The following ACACB variants were observed in gnomAD, a reference collection of about 807,000 sequenced individuals.
ACACB encodes acetyl-CoA carboxylase beta.
Under a neutral mutation model 278.8 loss-of-function variants are expected in ACACB, and 209 were observed. That is an observed-to-expected ratio of 0.75 (90% CI 0.67 to 0.84). The LOEUF is 0.84. ACACB is among the 40% of genes least tolerant of loss of function. The probability of loss-of-function intolerance (pLI) is 0.00; values close to 1 mark genes in which losing one functional copy is unlikely to be tolerated. For missense variants in ACACB, 2,850 were observed against 3,269.0 expected (o/e 0.87, Z 3.13); for synonymous variants, 1,174 against 1,285.6 (o/e 0.91, Z 1.86).
chr12:109,253,452 CT>C (rs765803077), intron 43 of ACACB, among the ~76,000 whole-genome samples: 9 of 152,172 alleles, frequency 5.9e-5, no homozygotes, highest in Non-Finnish European at 1.3e-4. Context: ...AATACTGAGT[CT>C]TTAAGCTTTA....
At chr12:109,264,481 T>C in intron 50 of ACACB, 95 bp downstream of exon 50, 2 of 1,480,484 alleles carry the variant, frequency 1.4e-6, no homozygotes, top group Non-Finnish European at 9.3e-7. Context: ...AGGGCGGTGG[T>C]GGTTGGGATG....
At chr12:109,185,434 G>A (rs2044619013) in intron 11 of ACACB, 145 bp from the exon 12 acceptor site, 1 of 854,416 alleles carries the variant, frequency 1.2e-6, no homozygotes, top group Admixed American at 2.9e-5. Flanking sequence ...TCTGGCCACA[G>A]TAGAGCACCA....
intron 28 of ACACB, among the ~76,000 whole-genome samples, chr12:109,230,047 G>A (rs113181738): frequency 4.9e-4 from 74 of 152,236 alleles, no homozygotes; most frequent in African/African-American, 1.6e-3. Flanking sequence ...CCTTACCTAC[G>A]GCGGCATTGA....
At chr12:109,238,173 C>T (rs545177501) in intron 34 of ACACB, among the ~76,000 whole-genome samples, 152 of 150,982 alleles carry the variant, frequency 1.0e-3, no homozygotes, top group African/African-American at 2.1e-3. Context: ...GACACAATTC[C>T]GTCCCTGAAA....
chr12:109,211,610 TAG>T (rs2045852481), intron 21 of ACACB, among the ~76,000 whole-genome samples: 1 of 152,114 alleles, frequency 6.6e-6, no homozygotes, highest in Non-Finnish European at 1.5e-5. Context: ...AAGAAGGAAG[TAG>T]ATTAGTGGCC....
chr12:109,222,235 G>A (rs1284187422), intron 24 of ACACB, among the ~76,000 whole-genome samples: 1 of 152,010 alleles, frequency 6.6e-6, no homozygotes, highest in Non-Finnish European at 1.5e-5. Flanking sequence ...GGACTTAGTT[G>A]TATTTGTTTG....
At chr12:109,123,603 G>T (rs991431932) in intron 1 of ACACB, among the ~76,000 whole-genome samples, 1 of 151,640 alleles carries the variant, frequency 6.6e-6, no homozygotes, top group Non-Finnish European at 1.5e-5. Flanking sequence ...TGAGGCAGGA[G>T]AATCTTTTGA....
At position 109,265,151 on chromosome 12, in the gene ACACB, G is replaced by A; in HGVS notation, c.6984G>A (p.Trp2328Ter). 6.2e-7 allele frequency: 1 copy of A among 1,613,622 alleles called. No homozygotes were observed. The highest frequency in any genetic ancestry group is 8.5e-7 in the Non-Finnish European group (1 of 1,179,848). ...EWKTARTFLY[W>*]RLRRLLLEDQ... is the part of the protein sequence containing the mutation. Reference sequence around the variant, plus strand: ...AGACCGCACGCACCTTCCTGTATTGGCGTCTGCGCCGCCTCCTCCTGGAGG... The same window carrying A: ...AGACCGCACGCACCTTCCTGTATTGACGTCTGCGCCGCCTCCTCCTGGAGG... The change falls in exon 51 of 53, where the codon TGG becomes TGA. Residue 2328 changes from tryptophan to a stop codon, truncating the protein, a stop_gained. Transcript: ENST00000338432. LOFTEE classifies it high-confidence loss of function.
intron 1 of ACACB, among the ~76,000 whole-genome samples, chr12:109,119,077 T>C (rs139226499): frequency 7.9e-5 from 12 of 152,260 alleles, no homozygotes; most frequent in Non-Finnish European, 1.3e-4. Context: ...GGATCTCACA[T>C]AATTTTGAGG....
chr12:109,117,997 G>A (rs1012019284), intron 1 of ACACB, among the ~76,000 whole-genome samples: 12 of 152,078 alleles, frequency 7.9e-5, no homozygotes, highest in African/African-American at 1.9e-4. Context: ...TGATCCGCCC[G>A]CCTCGGCCTC....
At position 109,154,023 on chromosome 12, in the gene ACACB, A is replaced by G. The variant is rs1039826861; in HGVS notation, c.654-12838A>G. On this transcript the variant is annotated intron_variant, in intron 2 of 52. Transcript: ENST00000338432. ...AAGACCCTGGGCTCTGGCACTTCAG[A>G]TAACATGCATCTCTGGGCCCCAGTT... Among the ~76,000 whole-genome samples, 2 of 152,232 alleles carry G rather than the reference A, an allele frequency of 1.3e-5. 1 individual carries two copies. The highest frequency in any genetic ancestry group is 4.8e-5 in the African/African-American group (2 of 41,460).
chr12:109,256,594 T>C (rs986675443), intron 45 of ACACB, among the ~76,000 whole-genome samples: 1 of 152,210 alleles, frequency 6.6e-6, no homozygotes, highest in Non-Finnish European at 1.5e-5. Flanking sequence ...TGTATGCCAC[T>C]GTTGGTGGGA....
intron 17 of ACACB, 57 bp downstream of exon 17, chr12:109,197,210 G>T: frequency 6.4e-7 from 1 of 1,559,866 alleles, no homozygotes; most frequent in Admixed American, 2.1e-5. Context: ...TCTGTCCTAG[G>T]CATGGAAAAC....
intron 20 of ACACB, among the ~76,000 whole-genome samples, chr12:109,208,771 A>G (rs1429053218): frequency 6.6e-6 from 1 of 152,222 alleles, no homozygotes; most frequent in Non-Finnish European, 1.5e-5. Flanking sequence ...CAATTGCAAA[A>G]TGGACAAAAT....
chr12:109,262,944 T>G (rs2047416055), intron 49 of ACACB: 1 of 38,030 alleles, frequency 2.6e-5, no homozygotes, highest in Non-Finnish European at 8.2e-5. Flanking sequence ...ATCAACCTTT[T>G]TAACATTATA....
chr12:109,140,141 TC>T, intron 2 of ACACB, 83 bp downstream of exon 2: 1 of 1,423,772 alleles, frequency 7.0e-7, no homozygotes, highest in Non-Finnish European at 9.3e-7. Flanking sequence ...CCCACCTTGA[TC>T]AAGCTGTTTG....
chr12:109,237,141 C>T (rs1565956976), intron 33 of ACACB, 24 bp from the exon 34 acceptor site: 1 of 1,613,024 alleles, frequency 6.2e-7, no homozygotes, highest in Admixed American at 1.7e-5. Flanking sequence ...ATGTGTCTGT[C>T]TTCTCTCTCT....
Position 109,139,578 on chromosome 12 carries a change from C to A in ACACB, c.173C>A (p.Pro58Gln), listed in dbSNP as rs769946341. 6.2e-7 allele frequency: 1 copy of A among 1,613,936 alleles called. No individual in the cohort carries two copies. The highest frequency in any genetic ancestry group is 8.5e-7 in the Non-Finnish European group (1 of 1,180,024). ...FPASDNSGET[P>Q]QRNGEGHTLP... The stretch of plus-strand genomic sequence containing the variant: ...GCCTCTGATAACTCAGGGGAGACAC[C>A]GCAGAGAAATGGGGAGGGCCACACT... Residue 58 changes from proline to glutamine, a missense_variant, in exon 2 of 53, where the codon CCG becomes CAG. Transcript: ENST00000338432.
Position 109,232,698 on chromosome 12 carries a change from C to T in ACACB, c.4031C>T (p.Pro1344Leu). 2 of 1,614,144 alleles carry T rather than the reference C, an allele frequency of 1.2e-6. No individual in the cohort carries two copies. The highest frequency in any genetic ancestry group is 1.7e-6 in the Non-Finnish European group (2 of 1,179,986). The change falls in exon 29 of 53, where the codon CCT (proline) becomes CTT (leucine). Residue 1344 changes from proline to leucine, a missense_variant. Coordinates refer to ENST00000338432, the MANE Select transcript of ACACB (RefSeq NM_001093.4). ...ACCGTGCCCATCAGCATCACCAACC[C>T]TGACCTGCTGAGGCACAGCACAGAG... is the stretch of plus-strand genomic sequence containing the variant. ...RMTVPISITN[P>L]DLLRHSTELF...
Sources: gnomAD v4.1 joint callset for allele counts (sites outside exome capture counted in the v4.1 genomes callset) on GRCh38, gnomAD v4.1.1 for gene constraint, MANE v1.5 for transcripts, NCBI Gene and HGNC (gene_info 2026-07-23, HGNC 2026-07-21) for gene names.